CDH12: variants seen among roughly 807,000 people sequenced by gnomAD.
CDH12 encodes cadherin-12.
In CDH12, 41 loss-of-function variants were observed where a neutral mutation model predicts 74.1. The observed-to-expected ratio is 0.55, with a 90% confidence interval of 0.43 to 0.72. The LOEUF is 0.72. Among genes scored for constraint, CDH12 ranks in the 30% least tolerant of loss-of-function variants. The pLI is 0.00. For synonymous variants in CDH12, 399 were observed against 355.0 expected (o/e 1.12, Z -1.39); for missense variants, 945 against 977.2 (o/e 0.97, Z 0.44).
intron 1 of CDH12, among the ~76,000 whole-genome samples, chr5:22,529,315 C>T (rs1248762505): frequency 1.3e-5 from 2 of 151,532 alleles, no homozygotes; most frequent in Non-Finnish European, 2.9e-5. Flanking sequence ...TAGCTGGTGA[C>T]CCAGAAGAGC....
chr5:22,613,296 A>G (rs397798), intron 1 of CDH12, among the ~76,000 whole-genome samples: 1 of 152,122 alleles, frequency 6.6e-6, no homozygotes. Flanking sequence ...AGAGAAGATA[A>G]TTTTTATAAA....
chr5:22,599,239 G>A (rs573345321), intron 1 of CDH12, among the ~76,000 whole-genome samples: 12 of 152,168 alleles, frequency 7.9e-5, no homozygotes, highest in Admixed American at 1.3e-4. Context: ...ATTATTCAGC[G>A]GTCTGAACTA....
At chr5:22,691,745 C>T (rs1453644217) in intron 1 of CDH12, among the ~76,000 whole-genome samples, 3 of 152,118 alleles carry the variant, frequency 2.0e-5, no homozygotes, top group Non-Finnish European at 4.4e-5. Flanking sequence ...GTAGTAGTGC[C>T]ATTTGGCTTA....
intron 5 of CDH12, among the ~76,000 whole-genome samples, chr5:22,036,543 C>CGT (rs1363745970): frequency 4.6e-5 from 7 of 151,710 alleles, no homozygotes; most frequent in Non-Finnish European, 8.8e-5. Context: ...TTGGACTGTG[C>CGT]GTGTGTGTGT....
intron 1 of CDH12, among the ~76,000 whole-genome samples, chr5:22,544,428 A>G (rs1169990024): frequency 1.3e-5 from 2 of 152,180 alleles, no homozygotes; most frequent in Non-Finnish European, 2.9e-5. Flanking sequence ...GTCTTTTACC[A>G]TATGTTCAAA....
intron 1 of CDH12, among the ~76,000 whole-genome samples, chr5:22,746,737 C>G (rs1291619189): frequency 6.6e-6 from 1 of 152,130 alleles, no homozygotes; most frequent in Non-Finnish European, 1.5e-5. Flanking sequence ...ATCTGTAAAG[C>G]CAGCACAGTA....
At chr5:22,580,169 G>A (rs1464707424) in intron 1 of CDH12, 3 of 288,616 alleles carry the variant, frequency 1.0e-5, no homozygotes, top group Non-Finnish European at 2.1e-5. Flanking sequence ...AGAGGATCCA[G>A]ATGAGGGTAC....
At chr5:21,890,657 AC>A (rs1273209488) in intron 6 of CDH12, among the ~76,000 whole-genome samples, 3 of 152,152 alleles carry the variant, frequency 2.0e-5, no homozygotes, top group African/African-American at 7.2e-5. Flanking sequence ...CCATTAAAGC[AC>A]AATTTTAGAG....
chr5:21,870,597 A>G (rs1751570082), intron 6 of CDH12, among the ~76,000 whole-genome samples: 1 of 152,150 alleles, frequency 6.6e-6, no homozygotes, highest in South Asian at 2.1e-4. Context: ...TTTTGTTTTA[A>G]CAGTACAAAA....
At chr5:22,366,407 T>C (rs559267383) in intron 3 of CDH12, among the ~76,000 whole-genome samples, 9 of 152,278 alleles carry the variant, frequency 5.9e-5, no homozygotes, top group African/African-American at 1.7e-4. Flanking sequence ...AACAGACTGA[T>C]AGGCAGAAAT....
rs533381026 is a variant in CDH12, at chr5:21,941,133, T to G, written c.526+33958A>C. 4.3e-3 allele frequency among the ~76,000 whole-genome samples: 656 copies of G among 152,248 alleles called. 4 individuals carry two copies. The highest frequency in any genetic ancestry group is 0.015 in the African/African-American group (605 of 41,568). On this transcript the variant is annotated intron_variant, in intron 6 of 14. Coordinates refer to ENST00000382254, the MANE Select transcript of CDH12 (RefSeq NM_004061.5). ...CCTGCCAGCTAGCTGCAGGTTATTT[T>G]AGCTACTAGAAGCAGCACTAATTTG... is the stretch of plus-strand genomic sequence containing the variant.
chr5:22,711,463 A>C (rs1342321077), intron 1 of CDH12, among the ~76,000 whole-genome samples: 1 of 152,136 alleles, frequency 6.6e-6, no homozygotes, highest in Non-Finnish European at 1.5e-5. Flanking sequence ...GGCATAACAA[A>C]GGGTATTGCT....
chr5:21,774,447 C>T (rs909449859), intron 11 of CDH12: 7 of 151,894 alleles, frequency 4.6e-5, no homozygotes, highest in Admixed American at 2.0e-4. Context: ...TTTGGGACTC[C>T]GACTGGCTTC....
chr5:22,698,588 T>C (rs370070307), intron 1 of CDH12, among the ~76,000 whole-genome samples: 1 of 149,728 alleles, frequency 6.7e-6, no homozygotes, highest in African/African-American at 2.4e-5. Context: ...TCCCTAGGCA[T>C]GTCAATCACA....
chr5:22,106,514 T>C (rs552957073), intron 4 of CDH12, among the ~76,000 whole-genome samples: 1 of 152,324 alleles, frequency 6.6e-6, no homozygotes, highest in Non-Finnish European at 1.5e-5. Context: ...TTTATTGAAT[T>C]TGACTATGTT....
intron 1 of CDH12, among the ~76,000 whole-genome samples, chr5:22,575,252 A>T (rs1303167027): frequency 1.3e-5 from 2 of 152,150 alleles, no homozygotes; most frequent in East Asian, 3.9e-4. Context: ...ATTTGGTAAA[A>T]TAAATATATC....
chr5:22,833,022 G>C (rs1238394986), intron 1 of CDH12, among the ~76,000 whole-genome samples: 1 of 152,018 alleles, frequency 6.6e-6, no homozygotes, highest in East Asian at 1.9e-4. Flanking sequence ...CCCCAGCCAA[G>C]TGCTCTACAG....
chr5:22,378,269 T>A (rs1324219124), intron 3 of CDH12, among the ~76,000 whole-genome samples: 1 of 152,242 alleles, frequency 6.6e-6, no homozygotes, highest in East Asian at 1.9e-4. Context: ...GACTTTTTCC[T>A]CATTCTTAAA....
intron 2 of CDH12, among the ~76,000 whole-genome samples, chr5:22,490,761 T>TA (rs1746828590): frequency 6.6e-6 from 1 of 152,158 alleles, no homozygotes; most frequent in Admixed American, 6.5e-5. Flanking sequence ...AGTTGATAAG[T>TA]AAGTCTCCTT....
Sources: gnomAD v4.1 joint callset for allele counts (sites outside exome capture counted in the v4.1 genomes callset) on GRCh38, gnomAD v4.1.1 for gene constraint, MANE v1.5 for transcripts, NCBI Gene and HGNC (gene_info 2026-07-23, HGNC 2026-07-21) for gene names.